The following RELN variants were observed in gnomAD, a reference collection of about 807,000 sequenced individuals.
The protein encoded by RELN is reelin.
A neutral mutation model predicts 427.6 loss-of-function variants in RELN; 108 were observed. The ratio of observed to expected loss-of-function variants is 0.25; its 90% confidence interval spans 0.22 to 0.30. RELN has a LOEUF of 0.30. Ranked by LOEUF, RELN falls within the 10% of genes least tolerant of loss-of-function variation. The pLI, the probability that RELN is intolerant of heterozygous loss-of-function variation, is 1.00. For missense variants in RELN, 3,715 were observed against 4,302.8 expected (o/e 0.86, Z 3.82); for synonymous variants, 1,524 against 1,513.4 (o/e 1.01, Z -0.16).
rs1797165027 is a variant in RELN at position 103,989,097 on chromosome 7, G to A, written c.226+34C>T. The A allele has an allele frequency of 6.3e-7, 1 of 1,588,922 alleles. No individual in the cohort carries two copies. The highest frequency in any genetic ancestry group is 8.6e-7 in the Non-Finnish European group (1 of 1,158,948). ...AAAGGTGCGCTGGCGGGCGCACCCG[G>A]CGGCGGCGAGCGCGGAGGTGCTGCG... On this transcript the variant is annotated intron_variant, in intron 1 of 64. Coordinates refer to ENST00000428762, the MANE Select transcript of RELN (RefSeq NM_005045.4). The surrounding 1 kb of genome is among the most constrained non-coding windows in gnomAD (Gnocchi z 4.9).
rs1288345133 is a variant in RELN, at chr7:103,744,534, G to A, written c.656+4892C>T. ...GACCACTAGCAAGACTAATAAAGAA[G>A]AAAAGAGAGAAGAATCAAATAGATG... is the stretch of plus-strand genomic sequence containing the variant. On this transcript the variant is annotated intron_variant, in intron 6 of 64. Coordinates refer to ENST00000428762, the MANE Select transcript of RELN (RefSeq NM_005045.4). Among the ~76,000 whole-genome samples the A allele has an allele frequency of 4.6e-5, 7 of 151,324 alleles. No homozygotes were observed. In the South Asian group the frequency reaches 8.4e-4, roughly 18 times the overall value.
chr7:103,967,238 C>T (rs1796677811), intron 1 of RELN, among the ~76,000 whole-genome samples: 1 of 152,190 alleles, frequency 6.6e-6, no homozygotes, highest in Admixed American at 6.5e-5. Context: ...TGCCAGCCTG[C>T]TTCTGCTCCT....
Position 103,799,189 on chromosome 7 carries a change from G to T in RELN, c.474-22562C>A, listed in dbSNP as rs1584249355. Among the ~76,000 whole-genome samples, 3 of 152,272 alleles carry T rather than the reference G, an allele frequency of 2.0e-5. No homozygotes were observed. The South Asian group carries it at 6.2e-4, about 32-fold the overall frequency. Reference sequence around the variant, plus strand: ...ATCTATATTAAGTAACTAATTTAGAGATTCCAATACTTTGTACTTCCAGGT... The same window carrying T: ...ATCTATATTAAGTAACTAATTTAGATATTCCAATACTTTGTACTTCCAGGT... On this transcript the variant is annotated intron_variant, in intron 3 of 64. Transcript: ENST00000428762.
chr7:103,544,314 C>A (rs1830241299), intron 42 of RELN, among the ~76,000 whole-genome samples: 1 of 136,170 alleles, frequency 7.3e-6, no homozygotes. Context: ...TCTCGGCTCA[C>A]TGCAAACTCC....
At chr7:103,622,822 A>G (rs1832249868) in intron 20 of RELN, among the ~76,000 whole-genome samples, 1 of 152,206 alleles carries the variant, frequency 6.6e-6, no homozygotes, top group Non-Finnish European at 1.5e-5. Flanking sequence ...GAATATTATT[A>G]TGAATTTGAA....
rs963781975 is a variant in RELN at position 103,755,379 on chromosome 7, C to A, written c.545-2165G>T. ...ATCCCAGCACTTTGGGAGGCCGAGA[C>A]GGGCCGATCACGAGGTCAGGAGATC... is the stretch of plus-strand genomic sequence containing the variant. On this transcript the variant is annotated intron_variant, in intron 4 of 64. Coordinates refer to ENST00000428762, the MANE Select transcript of RELN (RefSeq NM_005045.4). Among the ~76,000 whole-genome samples the A allele has an allele frequency of 1.1e-4, 16 of 151,832 alleles. 1 individual carries two copies. The East Asian group carries it at 1.2e-3, about 11-fold the overall frequency.
At chr7:103,635,906 T>C (rs1832569494) in intron 18 of RELN, among the ~76,000 whole-genome samples, 1 of 152,178 alleles carries the variant, frequency 6.6e-6, no homozygotes, top group African/African-American at 2.4e-5. Context: ...AGGGAAGTTG[T>C]AGAGTAAATC....
chr7:103,519,551 A>C (rs1349540302), intron 48 of RELN, 35 bp from the exon 49 acceptor site: 1 of 1,494,750 alleles, frequency 6.7e-7, no homozygotes, highest in Non-Finnish European at 9.3e-7. Context: ...AAAAGTGATA[A>C]GGAATCTCGA....
chr7:103,744,089 A>G (rs1443091191), intron 6 of RELN, among the ~76,000 whole-genome samples: 1 of 152,228 alleles, frequency 6.6e-6, no homozygotes, highest in Admixed American at 6.5e-5. Flanking sequence ...CAATCAAACT[A>G]GAACTCAGGA....
At chr7:103,672,424 G>A (rs982413574) in intron 11 of RELN, among the ~76,000 whole-genome samples, 6 of 152,112 alleles carry the variant, frequency 3.9e-5, no homozygotes, top group East Asian at 1.9e-4. Context: ...GAACAACTCC[G>A]GCATAGAGAA....
At chr7:103,580,632 T>A (rs1831109340) in intron 28 of RELN, among the ~76,000 whole-genome samples, 1 of 152,194 alleles carries the variant, frequency 6.6e-6, no homozygotes, top group African/African-American at 2.4e-5. Flanking sequence ...GTTACATGGT[T>A]AAGTTCTTTA....
chr7:103,795,614 A>C (rs561826061), intron 3 of RELN, among the ~76,000 whole-genome samples: 2 of 152,350 alleles, frequency 1.3e-5, no homozygotes, highest in East Asian at 1.9e-4. Context: ...GACATGAACA[A>C]AACATCCAAT....
At chr7:103,703,277 C>T (rs1356409037) in intron 8 of RELN, among the ~76,000 whole-genome samples, 2 of 152,182 alleles carry the variant, frequency 1.3e-5, no homozygotes, top group East Asian at 1.9e-4. Context: ...TCCCTACTCC[C>T]GCCCGGTGTA....
chr7:103,593,071 A>G (rs192246544), intron 27 of RELN, among the ~76,000 whole-genome samples: 102 of 152,300 alleles, frequency 6.7e-4, no homozygotes, highest in African/African-American at 2.4e-3. Context: ...TAGCTCATTA[A>G]AACTGCATTA....
At chr7:103,810,790 C>A (rs1322092039) in intron 3 of RELN, among the ~76,000 whole-genome samples, 1 of 152,222 alleles carries the variant, frequency 6.6e-6, no homozygotes, top group African/African-American at 2.4e-5. Flanking sequence ...ATTCTCCTGA[C>A]ACTGGAGAGT....
chr7:103,694,236 C>G (rs1419779820), intron 10 of RELN, among the ~76,000 whole-genome samples: 1 of 152,076 alleles, frequency 6.6e-6, no homozygotes, highest in Non-Finnish European at 1.5e-5. Flanking sequence ...GGAAGAAACA[C>G]AAGACAATCA....
chr7:103,775,712 A>G (rs1212241591), intron 4 of RELN, among the ~76,000 whole-genome samples: 1 of 152,240 alleles, frequency 6.6e-6, no homozygotes, highest in East Asian at 1.9e-4. Flanking sequence ...TTTCATTATC[A>G]AGATGCTGAA....
At chr7:103,930,640 A>AT (rs748409914) in intron 1 of RELN, among the ~76,000 whole-genome samples, 1 of 151,732 alleles carries the variant, frequency 6.6e-6, no homozygotes, top group Non-Finnish European at 1.5e-5. Context: ...AATTTTTAAA[A>AT]TTTTTCAGTA....
chr7:103,682,241 C>G lies in RELN; in HGVS notation c.1164G>C (p.Gly388=). ...CATTTCCATGGAAATAAATGGAGTTCCCATCTGACTGACAGCTATGCTGTA... is the reference window on the plus strand; with the variant it reads ...CATTTCCATGGAAATAAATGGAGTTGCCATCTGACTGACAGCTATGCTGTA... ...ATVKHSCQSD[G]NSIYFHGNEG... The change falls in exon 11 of 65, where the codon GGG becomes GGC. Residue 388 remains glycine (G), a synonymous_variant. Coordinates refer to ENST00000428762, the MANE Select transcript of RELN (RefSeq NM_005045.4). 3.1e-6 allele frequency: 5 copies of G among 1,613,962 alleles called. No individual in the cohort carries two copies. The highest frequency in any genetic ancestry group is 4.2e-6 in the Non-Finnish European group (5 of 1,179,912).
Sources: gnomAD v4.1 joint callset for allele counts (sites outside exome capture counted in the v4.1 genomes callset) on GRCh38, gnomAD v4.1.1 for gene constraint, Gnocchi (gnomAD v3.1) non-coding constraint, MANE v1.5 for transcripts, NCBI Gene and HGNC (gene_info 2026-07-23, HGNC 2026-07-21) for gene names.